Variants in ZNF385D observed in about 807,000 individuals in gnomAD.
ZNF385D encodes zinc finger protein 659.
A neutral mutation model predicts 35.8 loss-of-function variants in ZNF385D; 15 were observed. The observed-to-expected ratio is 0.42, with a 90% CI of 0.28 to 0.64. The LOEUF is 0.64. Among genes scored for constraint, ZNF385D ranks in the 30% least tolerant of loss-of-function variants. The probability of loss-of-function intolerance (pLI) is 0.23; values close to 1 mark genes in which losing one functional copy is unlikely to be tolerated. For synonymous variants in ZNF385D, 212 were observed against 186.8 expected (o/e 1.13, Z -1.10); for missense variants, 474 against 494.6 (o/e 0.96, Z 0.39).
chr3:22,166,473 C>G (rs35477698), intron 3 of ZNF385D, among the ~76,000 whole-genome samples: 30,885 of 152,092 alleles, frequency 0.2, 3,277 homozygotes, highest in African/African-American at 0.24. Flanking sequence ...ACCAGGGTTT[C>G]ATTGCAAGTT....
intron 3 of ZNF385D, among the ~76,000 whole-genome samples, chr3:21,852,030 T>G (rs1237415005): frequency 6.6e-6 from 1 of 151,984 alleles, no homozygotes; most frequent in African/African-American, 2.4e-5. Context: ...AATCAAAACT[T>G]CTTATCTTTT....
At chr3:22,132,409 C>A (rs1222584421) in intron 3 of ZNF385D, among the ~76,000 whole-genome samples, 1 of 151,996 alleles carries the variant, frequency 6.6e-6, no homozygotes, top group Admixed American at 6.6e-5. Context: ...TAAAATCTAC[C>A]CAGTTTATGA....
intron 2 of ZNF385D, among the ~76,000 whole-genome samples, chr3:22,251,251 A>C (rs1700049587): frequency 6.6e-6 from 1 of 152,174 alleles, no homozygotes; most frequent in African/African-American, 2.4e-5. Context: ...TCATCTTTAC[A>C]TAGGTGTCTA....
At chr3:22,280,059 T>C (rs1341679846) in intron 2 of ZNF385D, among the ~76,000 whole-genome samples, 1 of 152,132 alleles carries the variant, frequency 6.6e-6, no homozygotes, top group Non-Finnish European at 1.5e-5. Context: ...TTTTTCATGT[T>C]TGTGGTCATT....
intron 3 of ZNF385D, among the ~76,000 whole-genome samples, chr3:21,907,968 A>T (rs1699765371): frequency 6.6e-6 from 1 of 152,106 alleles, no homozygotes; most frequent in Non-Finnish European, 1.5e-5. Flanking sequence ...TAGAAATAAA[A>T]ACAACAGGGG....
At chr3:22,171,443 A>G (rs1430426887) in intron 2 of ZNF385D, among the ~76,000 whole-genome samples, 2 of 152,330 alleles carry the variant, frequency 1.3e-5, no homozygotes, top group East Asian at 3.9e-4. Flanking sequence ...TAAAGACTAT[A>G]TTATCAGGCA....
At chr3:21,468,437 A>G (rs1338791087) in intron 4 of ZNF385D, among the ~76,000 whole-genome samples, 2 of 151,102 alleles carry the variant, frequency 1.3e-5, no homozygotes, top group African/African-American at 4.9e-5. Context: ...ATATGCAGAC[A>G]TTCAGAGTAT....
chr3:21,416,802 T>C lies in ZNF385D; in HGVS notation c.*4412A>G, dbSNP rs919194453. The C allele has an allele frequency of 2.6e-5, 4 of 152,126 alleles. No individual in the cohort carries two copies. The highest frequency in any genetic ancestry group is 5.9e-5 in the Non-Finnish European group (4 of 68,014). The allele number at this position is 152,126 out of a possible 1,614,324, so 9.4% of individuals were successfully genotyped here. On this transcript the variant is annotated 3_prime_UTR_variant, in exon 8 of 8. Coordinates refer to ENST00000281523, the MANE Select transcript of ZNF385D (RefSeq NM_024697.3). Reference sequence around the variant, plus strand: ...AAATACATGCAAACGCAGGACAGAATTAGTTATGGCTTAGTCGGGACCCCT... The same window carrying C: ...AAATACATGCAAACGCAGGACAGAACTAGTTATGGCTTAGTCGGGACCCCT...
rs1466318452 is a variant in ZNF385D, at chr3:21,785,194, C to A, written c.326-120166G>T. On this transcript the variant is annotated intron_variant, in intron 3 of 5. Coordinates refer to the ZNF385D transcript ENST00000494108. Reference sequence around the variant, plus strand: ...ATTAAGAGAGCAGCTAGAATGGAAACCCTGGTCGGTGGTATATCTGAGCCC... The same window carrying A: ...ATTAAGAGAGCAGCTAGAATGGAAAACCTGGTCGGTGGTATATCTGAGCCC... 3.3e-5 allele frequency among the ~76,000 whole-genome samples: 5 copies of A among 152,162 alleles called. No homozygotes were observed. In the East Asian group the frequency reaches 9.7e-4, roughly 29 times the overall value.
chr3:21,702,515 T>C (rs953182214), intron 1 of ZNF385D, among the ~76,000 whole-genome samples: 5 of 152,242 alleles, frequency 3.3e-5, no homozygotes, highest in Non-Finnish European at 7.3e-5. Flanking sequence ...CCTCATGATC[T>C]TGGGGATTAA....
chr3:22,125,165 A>G (rs1366861274), intron 3 of ZNF385D, among the ~76,000 whole-genome samples: 1 of 152,138 alleles, frequency 6.6e-6, no homozygotes, highest in Non-Finnish European at 1.5e-5. Flanking sequence ...TCATTATTGA[A>G]GAGACTATCC....
intron 3 of ZNF385D, among the ~76,000 whole-genome samples, chr3:21,561,116 G>A (rs1268905241): frequency 6.6e-6 from 1 of 152,182 alleles, no homozygotes; most frequent in African/African-American, 2.4e-5. Context: ...CAGACCACTT[G>A]GTTCTCTGAC....
At chr3:22,322,420 C>G (rs1201907069) in intron 2 of ZNF385D, among the ~76,000 whole-genome samples, 2 of 152,132 alleles carry the variant, frequency 1.3e-5, no homozygotes, top group African/African-American at 2.4e-5. Context: ...TCACTGTCCT[C>G]TATCTCCCAG....
At chr3:21,709,552 G>A (rs1312196550) in intron 1 of ZNF385D, among the ~76,000 whole-genome samples, 5 of 152,058 alleles carry the variant, frequency 3.3e-5, no homozygotes, top group Admixed American at 3.3e-4. Context: ...TACTCTTAAA[G>A]CATCAATTTC....
chr3:21,756,962 A>G (rs964108607), intron 3 of ZNF385D, among the ~76,000 whole-genome samples: 2 of 152,116 alleles, frequency 1.3e-5, no homozygotes, highest in Admixed American at 6.5e-5. Flanking sequence ...TTCTTACTTG[A>G]TGTTTCCATA....
At chr3:21,819,886 A>C (rs1006122026) in intron 3 of ZNF385D, among the ~76,000 whole-genome samples, 1 of 148,966 alleles carries the variant, frequency 6.7e-6, no homozygotes, top group Non-Finnish European at 1.5e-5. Context: ...TAATTAGGTT[A>C]TACTTCATAT....
At chr3:22,157,686 G>A (rs1705682567) in intron 3 of ZNF385D, among the ~76,000 whole-genome samples, 1 of 152,064 alleles carries the variant, frequency 6.6e-6, no homozygotes, top group African/African-American at 2.4e-5. Context: ...CTGAGTCACT[G>A]AAATAAAATC....
chr3:22,349,507 C>T (rs1038828677), intron 2 of ZNF385D, among the ~76,000 whole-genome samples: 2 of 152,178 alleles, frequency 1.3e-5, no homozygotes. Context: ...CTCACACGTA[C>T]TGAACATTTA....
chr3:21,668,303 C>T (rs2066465988), intron 1 of ZNF385D, among the ~76,000 whole-genome samples: 1 of 152,150 alleles, frequency 6.6e-6, no homozygotes, highest in Non-Finnish European at 1.5e-5. Context: ...TGGCTTTGCC[C>T]CCTTGCCTCA....
Sources: gnomAD v4.1 joint callset for allele counts (sites outside exome capture counted in the v4.1 genomes callset) on GRCh38, gnomAD v4.1.1 for gene constraint, MANE v1.5 for transcripts, NCBI Gene and HGNC (gene_info 2026-07-23, HGNC 2026-07-21) for gene names.